STK3: variants seen among roughly 807,000 people sequenced by gnomAD.
STK3 encodes serine/threonine-protein kinase 3.
In STK3, 41 loss-of-function variants were observed where a neutral mutation model predicts 58.0. The observed-to-expected ratio is 0.71, with a 90% CI of 0.55 to 0.92. STK3 has a LOEUF of 0.92. Among genes scored for constraint, STK3 ranks in the 40% least tolerant of loss-of-function variants. The pLI is 0.00. For missense variants in STK3, 479 were observed against 602.7 expected (o/e 0.79, Z 2.15); for synonymous variants, 170 against 191.0 (o/e 0.89, Z 0.91).
At chr8:98,448,853 CATCTT>C (rs1362325388) in intron 1 of STK3, among the ~76,000 whole-genome samples, 1 of 152,146 alleles carries the variant, frequency 6.6e-6, no homozygotes, top group Non-Finnish European at 1.5e-5. Context: ...TCTTTGCTCT[CATCTT>C]TTTTTTCCTT....
chr8:98,925,202 T>C (rs1206851225), intron 1 of STK3, among the ~76,000 whole-genome samples: 1 of 152,212 alleles, frequency 6.6e-6, no homozygotes, highest in African/African-American at 2.4e-5. Context: ...CTGCCATTGG[T>C]CTCCTGAAAA....
chr8:98,929,488 C>T (rs1839931671), intron 1 of STK3, among the ~76,000 whole-genome samples: 2 of 152,112 alleles, frequency 1.3e-5, no homozygotes, highest in Non-Finnish European at 2.9e-5. Flanking sequence ...GAAACCCCAT[C>T]TCTGCAAAAA....
intron 4 of STK3, among the ~76,000 whole-genome samples, chr8:98,708,529 G>C (rs150079528): frequency 4.6e-5 from 7 of 151,990 alleles, no homozygotes; most frequent in African/African-American, 1.7e-4. Flanking sequence ...TATCAGAGGA[G>C]GGAAAAAGGG....
intron 10 of STK3, among the ~76,000 whole-genome samples, chr8:98,481,961 T>G (rs75159901): frequency 6.6e-6 from 1 of 152,222 alleles, no homozygotes; most frequent in Non-Finnish European, 1.5e-5. Flanking sequence ...CTGAAGCTAG[T>G]TGAATTCTCA....
At chr8:98,839,046 T>A (rs1835861660) in intron 3 of STK3, among the ~76,000 whole-genome samples, 1 of 136,908 alleles carries the variant, frequency 7.3e-6, no homozygotes, top group South Asian at 2.2e-4. Flanking sequence ...TTTGTTTGAT[T>A]TTTGGGGGGG....
chr8:98,689,049 G>A (rs1427015066), intron 6 of STK3, among the ~76,000 whole-genome samples: 1 of 152,026 alleles, frequency 6.6e-6, no homozygotes, highest in Non-Finnish European at 1.5e-5. Flanking sequence ...ATCCAAATAG[G>A]CACAATCAGA....
chr8:98,713,081 AC>A (rs1826654878), intron 4 of STK3, among the ~76,000 whole-genome samples: 1 of 152,206 alleles, frequency 6.6e-6, no homozygotes, highest in Non-Finnish European at 1.5e-5. Flanking sequence ...GTTCTTTGAA[AC>A]CAACAAGAAC....
chr8:98,826,683 A>G (rs921133667), upstream of STK3, among the ~76,000 whole-genome samples: 1 of 152,100 alleles, frequency 6.6e-6, no homozygotes, highest in African/African-American at 2.4e-5. Flanking sequence ...TATACCTTTC[A>G]CATAACAATA....
chr8:98,726,952 T>C (rs1827838181), intron 4 of STK3, among the ~76,000 whole-genome samples: 1 of 152,200 alleles, frequency 6.6e-6, no homozygotes. Context: ...TTTAAATTAT[T>C]GTCCTTTATT....
At chr8:98,491,166 A>AGC (rs1303217502) in intron 10 of STK3, among the ~76,000 whole-genome samples, 9 of 9,226 alleles carry the variant, frequency 9.8e-4, no homozygotes, top group Non-Finnish European at 3.7e-3. Context: ...TAAACACGAG[A>AGC]GAGAGAGAGA....
chr8:98,598,683 T>A, intron 6 of STK3: 1 of 985,324 alleles, frequency 1.0e-6, no homozygotes, highest in Non-Finnish European at 1.2e-6. Flanking sequence ...TAACAATTCA[T>A]TCCCTTGCCA....
upstream of STK3, among the ~76,000 whole-genome samples, chr8:98,830,490 G>GA (rs1214437924): frequency 7.3e-5 from 11 of 150,302 alleles, no homozygotes; most frequent in East Asian, 9.7e-4. Context: ...CTTAGAAGAA[G>GA]AAAAAAAAAT....
chr8:98,912,948 C>T (rs1307274347), intron 1 of STK3, among the ~76,000 whole-genome samples: 1 of 151,710 alleles, frequency 6.6e-6, no homozygotes, highest in East Asian at 1.9e-4. Context: ...TCACTCTGTC[C>T]CCCAGGCTGG....
At chr8:98,449,595 T>A (rs1355797180) in intron 1 of STK3, among the ~76,000 whole-genome samples, 4 of 152,114 alleles carry the variant, frequency 2.6e-5, no homozygotes, top group Non-Finnish European at 5.9e-5. Flanking sequence ...ATGGGGCAAC[T>A]TATGCTGGCC....
chr8:98,795,077 C>T, intron 1 of STK3, among the ~76,000 whole-genome samples: 1 of 11,462 alleles, frequency 8.7e-5, no homozygotes, highest in African/African-American at 6.2e-4. Context: ...AAAACTCCGT[C>T]GCAAAAAAAA....
intron 6 of STK3, among the ~76,000 whole-genome samples, chr8:98,677,958 T>C (rs1444286068): frequency 6.6e-6 from 1 of 152,218 alleles, no homozygotes; most frequent in Non-Finnish European, 1.5e-5. Flanking sequence ...ACTGCACATG[T>C]ATATATCAGT....
intron 6 of STK3, among the ~76,000 whole-genome samples, chr8:98,648,821 G>A (rs1172989053): frequency 6.6e-6 from 1 of 151,920 alleles, no homozygotes; most frequent in Non-Finnish European, 1.5e-5. Context: ...GAACCTGGAG[G>A]CGGAAGTTGC....
chr8:98,901,612 A>G (rs967178608), intron 1 of STK3, among the ~76,000 whole-genome samples: 5 of 152,242 alleles, frequency 3.3e-5, no homozygotes, highest in Non-Finnish European at 7.3e-5. Flanking sequence ...GGTAGCTCAC[A>G]GGGCAGATCT....
intron 3 of STK3, among the ~76,000 whole-genome samples, chr8:98,869,357 G>C (rs1035445265): frequency 1.3e-5 from 2 of 152,106 alleles, no homozygotes; most frequent in African/African-American, 2.4e-5. Context: ...GGAGGCAGAG[G>C]TTACAGTGAG....
Sources: allele counts gnomAD v4.1 joint callset (sites outside exome capture counted in the v4.1 genomes callset), GRCh38; gene constraint gnomAD v4.1.1; transcripts MANE v1.5; gene names NCBI Gene and HGNC (gene_info 2026-07-23, HGNC 2026-07-21).